UNC5D: variants seen among roughly 807,000 people sequenced by gnomAD.
UNC5D encodes netrin receptor UNC5D.
Under a neutral mutation model 105.4 loss-of-function variants are expected in UNC5D, and 39 were observed. The observed-to-expected ratio is 0.37, with a 90% CI of 0.29 to 0.48. The LOEUF (loss-of-function observed/expected upper bound fraction) is 0.48, where lower values mean the gene tolerates loss of function less well. Ranked by LOEUF, UNC5D falls within the 20% of genes least tolerant of loss-of-function variation. The pLI, the probability that UNC5D is intolerant of heterozygous loss-of-function variation, is 0.98. For synonymous variants in UNC5D, 452 were observed against 450.4 expected (o/e 1.00, Z -0.04); for missense variants, 991 against 1,202.4 (o/e 0.82, Z 2.60).
At chr8:35,520,027 A>G (rs1221518843) in intron 1 of UNC5D, among the ~76,000 whole-genome samples, 1 of 152,110 alleles carries the variant, frequency 6.6e-6, no homozygotes, top group Non-Finnish European at 1.5e-5. Context: ...AGTTAACCAT[A>G]GAGCTGCCAT....
intron 7 of UNC5D, among the ~76,000 whole-genome samples, chr8:35,688,863 A>G (rs1354780775): frequency 6.6e-6 from 1 of 152,228 alleles, no homozygotes; most frequent in Non-Finnish European, 1.5e-5. Context: ...AAGCCAATAA[A>G]TTGTTTAAAG....
At chr8:35,334,161 A>T (rs915901061) in intron 1 of UNC5D, among the ~76,000 whole-genome samples, 6 of 152,342 alleles carry the variant, frequency 3.9e-5, no homozygotes, top group Non-Finnish European at 4.4e-5. Context: ...AGAATAGATG[A>T]GAAACAGACC....
At chr8:35,416,783 C>T (rs1045061014) in intron 1 of UNC5D, among the ~76,000 whole-genome samples, 2 of 152,060 alleles carry the variant, frequency 1.3e-5, no homozygotes, top group South Asian at 4.1e-4. Context: ...TGCAGACAAA[C>T]TTAATCTGAA....
At chr8:35,508,417 T>C (rs778121093) in intron 1 of UNC5D, among the ~76,000 whole-genome samples, 3 of 152,232 alleles carry the variant, frequency 2.0e-5, no homozygotes, top group East Asian at 3.8e-4. Context: ...GAGAGATCAC[T>C]GGGAGTTTCC....
At position 35,540,381 on chromosome 8, in the gene UNC5D, T is replaced by G. The variant is rs935839993; in HGVS notation, c.104-8911T>G. ...TTTAATACAATAAAGTTAGAGACCA[T>G]GAAGTGAAAGCTAAAATTGCCATAG... On this transcript the variant is annotated intron_variant, in intron 1 of 16. Coordinates refer to ENST00000404895, the MANE Select transcript of UNC5D (RefSeq NM_080872.4). Among the ~76,000 whole-genome samples the G allele has an allele frequency of 3.9e-5, 6 of 151,992 alleles. No individual in the cohort carries two copies. The South Asian group carries it at 8.3e-4, about 21-fold the overall frequency.
At chr8:35,428,163 C>T (rs1239022418) in intron 1 of UNC5D, among the ~76,000 whole-genome samples, 1 of 151,876 alleles carries the variant, frequency 6.6e-6, no homozygotes, top group Non-Finnish European at 1.5e-5. Flanking sequence ...AAGGGTATGT[C>T]AGGTCATGTT....
chr8:35,260,593 A>T (rs1265369554), intron 1 of UNC5D, among the ~76,000 whole-genome samples: 2 of 152,160 alleles, frequency 1.3e-5, no homozygotes, highest in African/African-American at 2.4e-5. Context: ...ACTCCAGAGT[A>T]TCTGGGACTA....
At chr8:35,546,914 A>C (rs2130670322) in intron 1 of UNC5D, among the ~76,000 whole-genome samples, 1 of 152,222 alleles carries the variant, frequency 6.6e-6, no homozygotes, top group East Asian at 1.9e-4. Context: ...GTTTGCCCTT[A>C]CTTTTTAGAA....
intron 1 of UNC5D, among the ~76,000 whole-genome samples, chr8:35,522,305 G>C (rs1813539510): frequency 6.6e-6 from 1 of 152,134 alleles, no homozygotes; most frequent in Non-Finnish European, 1.5e-5. Flanking sequence ...GCAGTAATCT[G>C]ATCTAAACTC....
intron 1 of UNC5D, among the ~76,000 whole-genome samples, chr8:35,375,825 C>T (rs774481464): frequency 6.6e-6 from 1 of 151,960 alleles, no homozygotes; most frequent in Non-Finnish European, 1.5e-5. Context: ...ATTTTTAATC[C>T]CTTTTGTGTT....
At chr8:35,477,261 T>C (rs1810167505) in intron 1 of UNC5D, among the ~76,000 whole-genome samples, 1 of 152,174 alleles carries the variant, frequency 6.6e-6, no homozygotes, top group Non-Finnish European at 1.5e-5. Context: ...TTTAAGAATT[T>C]CCTTTTCATT....
chr8:35,672,916 G>A (rs1468881943), intron 4 of UNC5D, among the ~76,000 whole-genome samples: 2 of 152,152 alleles, frequency 1.3e-5, no homozygotes, highest in Admixed American at 6.5e-5. Flanking sequence ...TATCTGACAA[G>A]AGACACACAA....
intron 3 of UNC5D, among the ~76,000 whole-genome samples, chr8:35,579,642 T>G (rs1373629695): frequency 3.9e-5 from 6 of 152,156 alleles, no homozygotes; most frequent in Non-Finnish European, 8.8e-5. Flanking sequence ...ATGTGACCTA[T>G]GTGGGAAAGC....
intron 1 of UNC5D, among the ~76,000 whole-genome samples, chr8:35,365,399 A>G (rs1254724573): frequency 1.3e-5 from 2 of 152,088 alleles, no homozygotes; most frequent in African/African-American, 4.8e-5. Context: ...ATCTCTGTGA[A>G]CTAATATAGC....
intron 1 of UNC5D, chr8:35,525,333 G>A (rs958060546): frequency 6.2e-7 from 1 of 1,612,070 alleles, no homozygotes; most frequent in Non-Finnish European, 8.5e-7. Context: ...TTGATATGGG[G>A]GTGTAATAAC....
At chr8:35,422,317 G>T (rs1166963255) in intron 1 of UNC5D, among the ~76,000 whole-genome samples, 1 of 152,204 alleles carries the variant, frequency 6.6e-6, no homozygotes, top group Non-Finnish European at 1.5e-5. Flanking sequence ...AGAAGACTGG[G>T]TTTCATTGGG....
intron 4 of UNC5D, among the ~76,000 whole-genome samples, chr8:35,615,189 T>C (rs1042745600): frequency 6.6e-6 from 1 of 152,094 alleles, no homozygotes; most frequent in African/African-American, 2.4e-5. Flanking sequence ...TAGCGAGGCA[T>C]GACTAGTCCA....
intron 1 of UNC5D, among the ~76,000 whole-genome samples, chr8:35,490,269 G>A (rs1488383276): frequency 6.6e-6 from 1 of 152,208 alleles, no homozygotes; most frequent in Non-Finnish European, 1.5e-5. Context: ...TTGGGAGGCT[G>A]AGGTGGGAGG....
chr8:35,690,626 A>G (rs891860962), intron 7 of UNC5D, among the ~76,000 whole-genome samples: 3 of 152,186 alleles, frequency 2.0e-5, no homozygotes, highest in African/African-American at 7.2e-5. Flanking sequence ...CTCAAAGAAT[A>G]AATAAATAAA....
Sources: allele counts gnomAD v4.1 joint callset (sites outside exome capture counted in the v4.1 genomes callset), GRCh38; gene constraint gnomAD v4.1.1; transcripts MANE v1.5; gene names NCBI Gene and HGNC (gene_info 2026-07-23, HGNC 2026-07-21).